Variants in TAF4B observed in about 807,000 individuals in gnomAD.
TAF4B encodes the protein transcription initiation factor TFIID subunit 4B.
A neutral mutation model predicts 86.4 loss-of-function variants in TAF4B; 38 were observed. The ratio of observed to expected loss-of-function variants is 0.44; its 90% confidence interval spans 0.34 to 0.58. The LOEUF is 0.58. Ranked by LOEUF, TAF4B falls within the 20% of genes least tolerant of loss-of-function variation. The probability of loss-of-function intolerance (pLI) is 0.02; values close to 1 mark genes in which losing one functional copy is unlikely to be tolerated. For missense variants in TAF4B, 988 were observed against 1,027.6 expected (o/e 0.96, Z 0.53); for synonymous variants, 388 against 391.2 (o/e 0.99, Z 0.10).
intron 8 of TAF4B, 86 bp from the exon 9 acceptor site, chr18:26,293,340 A>G: frequency 2.4e-6 from 2 of 834,538 alleles, no homozygotes; most frequent in Non-Finnish European, 1.9e-6. Flanking sequence ...TATTCTATAT[A>G]TATAAAAAAC....
At chr18:26,244,663 A>C (rs1035239270) in intron 1 of TAF4B, among the ~76,000 whole-genome samples, 9 of 152,162 alleles carry the variant, frequency 5.9e-5, no homozygotes, top group Non-Finnish European at 1.3e-4. Context: ...TTATGCTGGG[A>C]GCTGTAGACT....
chr18:26,300,549 C>A (rs562898110), intron 9 of TAF4B, among the ~76,000 whole-genome samples: 1 of 128,248 alleles, frequency 7.8e-6, no homozygotes, highest in African/African-American at 3.0e-5. Flanking sequence ...TGATGCTTTT[C>A]TGGAATATTT....
intron 1 of TAF4B, among the ~76,000 whole-genome samples, chr18:26,261,153 C>T (rs1355609319): frequency 1.4e-5 from 2 of 145,800 alleles, no homozygotes; most frequent in Non-Finnish European, 3.0e-5. Context: ...AGGGCACATC[C>T]TTGAACATGA....
chr18:26,253,574 TACTG>T (rs1469731578), intron 1 of TAF4B, among the ~76,000 whole-genome samples: 3 of 152,334 alleles, frequency 2.0e-5, no homozygotes, highest in Non-Finnish European at 4.4e-5. Context: ...GTATCGTTAA[TACTG>T]ACCTTATAGA....
chr18:26,244,711 C>T lies in TAF4B; in HGVS notation c.343+17435C>T, dbSNP rs370985525. On this transcript the variant is annotated intron_variant, in intron 1 of 14. Coordinates refer to ENST00000269142, the MANE Select transcript of TAF4B (RefSeq NM_005640.3). ...ATTCGGCCATCTTGGAACCTCCCCC[C>T]GAAATTTATACTAGAAATTATCCTT... Among the ~76,000 whole-genome samples the T allele has an allele frequency of 6.6e-5, 10 of 152,154 alleles. No homozygotes were observed. The East Asian group carries it at 1.4e-3, about 21-fold the overall frequency.
intron 12 of TAF4B, among the ~76,000 whole-genome samples, chr18:26,327,986 A>G (rs1400641455): frequency 6.6e-6 from 1 of 152,184 alleles, no homozygotes; most frequent in Non-Finnish European, 1.5e-5. Flanking sequence ...TCCATTTTGA[A>G]GCTCCACATT....
At chr18:26,366,776 G>A (rs535964258) in intron 14 of TAF4B, among the ~76,000 whole-genome samples, 13 of 152,290 alleles carry the variant, frequency 8.5e-5, no homozygotes, top group African/African-American at 3.1e-4. Flanking sequence ...TAGGTGAACA[G>A]TTGTTAATTA....
intron 1 of TAF4B, among the ~76,000 whole-genome samples, chr18:26,251,006 C>T (rs898884531): frequency 6.6e-6 from 1 of 152,020 alleles, no homozygotes; most frequent in African/African-American, 2.4e-5. Context: ...TGACTTTAAG[C>T]TCTTTGTAAG....
intron 1 of TAF4B, among the ~76,000 whole-genome samples, chr18:26,258,186 G>A (rs1227939137): frequency 2.0e-5 from 3 of 151,772 alleles, no homozygotes; most frequent in East Asian, 1.9e-4. Flanking sequence ...CCAAGGAGTC[G>A]GAGGTTGCAG....
At chr18:26,295,406 G>C (rs1324359015) in intron 9 of TAF4B, 1 of 176,472 alleles carries the variant, frequency 5.7e-6, no homozygotes, top group Non-Finnish European at 1.2e-5. Context: ...CAGGATTGAG[G>C]GGGAGGGGAT....
intron 4 of TAF4B, 34 bp from the exon 5 acceptor site, chr18:26,274,896 CT>C: frequency 6.2e-7 from 1 of 1,612,566 alleles, no homozygotes. Flanking sequence ...CTCACTAACA[CT>C]TGTGTTTGCT....
chr18:26,276,445 C>T (rs1598748993), intron 5 of TAF4B, among the ~76,000 whole-genome samples: 1 of 152,274 alleles, frequency 6.6e-6, no homozygotes, highest in Middle Eastern at 3.4e-3. Flanking sequence ...ATTTCTCTCA[C>T]CACGTAATTA....
chr18:26,315,135 TCTCTCTCTCTG>T lies in TAF4B; in HGVS notation c.1833-93_1833-83del, dbSNP rs1568147870. The T allele has an allele frequency of 1.4e-4, 52 of 381,918 alleles. 1 individual carries two copies. Among genetic ancestry groups the T allele is most frequent in the Admixed American group, 3.3e-4 (6 of 18,098 alleles). 23.7% of individuals were successfully genotyped at this position (381,918 alleles called of 1,614,324 possible). A position where few individuals can be genotyped will look rare whatever the true frequency, so the allele number is the denominator to read the frequency against. On this transcript the variant is annotated intron_variant, in intron 9 of 14. Transcript: ENST00000269142. ...CTCTCTCTCTCTCTCTCTCTCTCTC[TCTCTCTCTCTG>T]TCTCTCTCTCTCTCTCACACACACA...
intron 6 of TAF4B, 119 bp downstream of exon 6, chr18:26,282,179 A>G (rs2056458584): frequency 2.5e-6 from 2 of 797,860 alleles, no homozygotes; most frequent in Non-Finnish European, 4.1e-6. Context: ...GTGTGGGAGA[A>G]ACCTCTGAGT....
intron 1 of TAF4B, among the ~76,000 whole-genome samples, chr18:26,229,686 A>G (rs2055634257): frequency 6.6e-6 from 1 of 151,898 alleles, no homozygotes; most frequent in Non-Finnish European, 1.5e-5. Context: ...TATTTTTAGT[A>G]GAGATGGGGT....
At chr18:26,314,953 T>A (rs1249300822) in intron 9 of TAF4B, among the ~76,000 whole-genome samples, 1 of 152,280 alleles carries the variant, frequency 6.6e-6, no homozygotes, top group South Asian at 2.1e-4. Context: ...TTATTAAATA[T>A]ACATTGGTGG....
rs1189521252 is a variant in TAF4B, at chr18:26,346,759, G to GTA, written c.2317-10917_2317-10916dup. On this transcript the variant is annotated intron_variant, in intron 13 of 14. Transcript: ENST00000269142. Reference sequence around the variant, plus strand: ...CAAGAATATATATATATATATGTGTGTATATATATATATATGTGTGTGTAT... The same window carrying GTA: ...CAAGAATATATATATATATATGTGTGTATATATATATATATATGTGTGTGTAT... Among the ~76,000 whole-genome samples, 40 of 27,132 alleles carry GTA rather than the reference G, an allele frequency of 1.5e-3. 4 individuals are homozygous for GTA. The highest frequency in any genetic ancestry group is 2.9e-3 in the Non-Finnish European group (32 of 11,052). The allele number at this position is 27,132 out of a possible 152,430, so 17.8% of individuals were successfully genotyped here. A position where few individuals can be genotyped will look rare whatever the true frequency, so the allele number is the denominator to read the frequency against.
At chr18:26,353,704 T>C (rs540360623) in intron 13 of TAF4B, among the ~76,000 whole-genome samples, 140 of 152,376 alleles carry the variant, frequency 9.2e-4, no homozygotes, top group African/African-American at 2.8e-3. Flanking sequence ...AGAAACTTGC[T>C]TTTACCAGTA....
chr18:26,296,248 C>G (rs561054312), intron 9 of TAF4B, among the ~76,000 whole-genome samples: 80 of 152,216 alleles, frequency 5.3e-4, no homozygotes, highest in Non-Finnish European at 1.0e-3. Flanking sequence ...TTCTCCGCTT[C>G]CAAATGGTGC....
Sources: gnomAD v4.1 joint callset for allele counts (sites outside exome capture counted in the v4.1 genomes callset) on GRCh38, gnomAD v4.1.1 for gene constraint, MANE v1.5 for transcripts, NCBI Gene and HGNC (gene_info 2026-07-23, HGNC 2026-07-21) for gene names.